Variants in WDFY4 observed in about 807,000 individuals in gnomAD.
WDFY4 encodes WD repeat- and FYVE domain-containing protein 4.
In WDFY4, 169 loss-of-function variants were observed where a neutral mutation model predicts 351.9. The ratio of observed to expected loss-of-function variants is 0.48; its 90% CI spans 0.42 to 0.55. WDFY4 has a LOEUF of 0.55. Ranked by LOEUF, WDFY4 falls within the 20% of genes least tolerant of loss-of-function variation. The pLI, the probability that WDFY4 is intolerant of heterozygous loss-of-function variation, is 0.00. For synonymous variants in WDFY4, 1,622 were observed against 1,574.6 expected (o/e 1.03, Z -0.71); for missense variants, 3,803 against 3,935.6 (o/e 0.97, Z 0.90).
At chr10:48,981,572 C>A in intron 61 of WDFY4, 94 bp downstream of exon 61, 1 of 1,181,472 alleles carries the variant, frequency 8.5e-7, no homozygotes, top group Non-Finnish European at 1.2e-6. Context: ...GCCACCTGGC[C>A]GAGGAGGCCA....
intron 47 of WDFY4, chr10:48,910,110 G>A (rs771441563): frequency 5.5e-5 from 48 of 872,004 alleles, no homozygotes; most frequent in Non-Finnish European, 7.8e-5. Context: ...GGCTTGGCCA[G>A]CTCCGGCGAG....
At chr10:48,901,668 C>A in intron 46 of WDFY4, 133 bp from the exon 47 acceptor site, 1 of 939,850 alleles carries the variant, frequency 1.1e-6, no homozygotes, top group Non-Finnish European at 1.7e-6. Flanking sequence ...CTGGTGTTCA[C>A]GACCTGGGGG....
At chr10:48,776,258 C>T (rs1482412065) in intron 15 of WDFY4, among the ~76,000 whole-genome samples, 1 of 152,166 alleles carries the variant, frequency 6.6e-6, no homozygotes, top group Non-Finnish European at 1.5e-5. Flanking sequence ...AAAAGAAACT[C>T]GTGGACATCT....
At chr10:48,777,133 C>G (rs1435260769) in intron 16 of WDFY4, 149 bp downstream of exon 16, 9 of 1,054,044 alleles carry the variant, frequency 8.5e-6, no homozygotes, top group Non-Finnish European at 9.5e-6. Context: ...CCCGCCTACT[C>G]AGCGGCCTCC....
At chr10:48,777,362 G>A in intron 16 of WDFY4, 57 bp from the exon 17 acceptor site, 1 of 1,465,124 alleles carries the variant, frequency 6.8e-7, no homozygotes, top group South Asian at 1.2e-5. Flanking sequence ...GACTAGCTGT[G>A]TCAGTGCAAG....
intron 42 of WDFY4, among the ~76,000 whole-genome samples, chr10:48,875,865 G>A (rs772133456): frequency 6.6e-6 from 1 of 152,198 alleles, no homozygotes; most frequent in Non-Finnish European, 1.5e-5. Context: ...TCTTATTGTG[G>A]CACAGAGGAT....
intron 1 of WDFY4, among the ~76,000 whole-genome samples, chr10:48,685,292 G>T (rs750508194): frequency 6.6e-6 from 1 of 152,188 alleles, no homozygotes; most frequent in Admixed American, 6.5e-5. Flanking sequence ...AGCACTCCTC[G>T]ACCTCTGACG....
At chr10:48,970,333 T>C in intron 57 of WDFY4, 44 bp downstream of exon 57, 2 of 1,537,574 alleles carry the variant, frequency 1.3e-6, no homozygotes, top group Non-Finnish European at 1.7e-6. Flanking sequence ...GTGGGGACAG[T>C]ACTTCATGTA....
intron 21 of WDFY4, among the ~76,000 whole-genome samples, chr10:48,789,246 G>A (rs1369477082): frequency 1.3e-5 from 2 of 152,210 alleles, no homozygotes; most frequent in Non-Finnish European, 1.5e-5. Flanking sequence ...AGATATGTTT[G>A]TAGATGGGGA....
intron 35 of WDFY4, 94 bp downstream of exon 35, chr10:48,822,631 C>T: frequency 7.4e-7 from 1 of 1,343,420 alleles, no homozygotes; most frequent in African/African-American, 1.5e-5. Context: ...GCCCTCCCTC[C>T]CTGGAGTAGA....
rs1026892390 is a variant in WDFY4 at position 48,978,494 on chromosome 10, T to A, written c.9376+101T>A. Reference sequence around the variant, plus strand: ...CAAGGGCTGCAGCTCCTCCCAGGTCTGCCCAGCCTAGGGAGGCCTAGGAAG... The same window carrying A: ...CAAGGGCTGCAGCTCCTCCCAGGTCAGCCCAGCCTAGGGAGGCCTAGGAAG... On this transcript the variant is annotated intron_variant, in intron 60 of 61. Coordinates refer to ENST00000325239, the MANE Select transcript of WDFY4 (RefSeq NM_001394531.1). 3.4e-6 allele frequency: 4 copies of A among 1,191,372 alleles called. No homozygotes were observed. The Admixed American group carries it at 1.1e-4, about 34-fold the overall frequency. The allele number at this position is 1,191,372 out of a possible 1,614,324, so 73.8% of individuals were successfully genotyped here. A position where few individuals can be genotyped will look rare whatever the true frequency, so the allele number is the denominator to read the frequency against.
Position 48,914,287 on chromosome 10 carries a change from C to T in WDFY4, c.7586+12424C>T, listed in dbSNP as rs556679486. The T allele has an allele frequency of 1.7e-4, 163 of 948,446 alleles. 1 individual carries two copies. In the Middle Eastern group the frequency reaches 2.7e-3, roughly 16 times the overall value. 58.8% of individuals were successfully genotyped at this position (948,446 alleles called of 1,614,324 possible). A position where few individuals can be genotyped will look rare whatever the true frequency, so the allele number is the denominator to read the frequency against. ...GGAGATGCCAGAGGGCACTGGGCTC[C>T]CCCACGTCATGACGCTTTGCTCTTC... On this transcript the variant is annotated intron_variant, in intron 47 of 61. Coordinates refer to ENST00000325239, the MANE Select transcript of WDFY4 (RefSeq NM_001394531.1).
intron 13 of WDFY4, among the ~76,000 whole-genome samples, chr10:48,769,148 G>C (rs946386818): frequency 6.6e-6 from 1 of 152,188 alleles, no homozygotes; most frequent in Non-Finnish European, 1.5e-5. Context: ...CATGGTTACA[G>C]ATCTGCCTAG....
intron 47 of WDFY4, chr10:48,914,127 C>G (rs752545012): frequency 6.2e-7 from 1 of 1,613,906 alleles, no homozygotes; most frequent in South Asian, 1.1e-5. Context: ...GATCTTCTTG[C>G]CCTTGGGGCC....
At chr10:48,781,292 G>GTGTGTA (rs1199825655) in intron 19 of WDFY4, among the ~76,000 whole-genome samples, 1 of 150,948 alleles carries the variant, frequency 6.6e-6, no homozygotes, top group Non-Finnish European at 1.5e-5. Flanking sequence ...GTGTGTGTGT[G>GTGTGTA]TATATATATA....
At chr10:48,778,951 T>A in intron 18 of WDFY4, 119 bp downstream of exon 18, 1 of 1,140,396 alleles carries the variant, frequency 8.8e-7, no homozygotes, top group Non-Finnish European at 1.2e-6. Context: ...TCCTCATCCT[T>A]TGAAATTGCT....
At chr10:48,899,461 C>T (rs970580335) in intron 45 of WDFY4, among the ~76,000 whole-genome samples, 6 of 152,056 alleles carry the variant, frequency 3.9e-5, no homozygotes, top group African/African-American at 1.2e-4. Flanking sequence ...CAGTACCCAC[C>T]TCTGAGTCTG....
At chr10:48,872,591 T>C (rs1194696861) in intron 40 of WDFY4, among the ~76,000 whole-genome samples, 1 of 152,250 alleles carries the variant, frequency 6.6e-6, no homozygotes, top group African/African-American at 2.4e-5. Flanking sequence ...ACAAATTCCA[T>C]AAAATATTTG....
At chr10:48,964,919 A>G (rs1231627244) in intron 54 of WDFY4, among the ~76,000 whole-genome samples, 1 of 152,216 alleles carries the variant, frequency 6.6e-6, no homozygotes, top group African/African-American at 2.4e-5. Flanking sequence ...CTAAACTAAC[A>G]TCTTTCTCTC....
Sources: allele counts gnomAD v4.1 joint callset (sites outside exome capture counted in the v4.1 genomes callset), GRCh38; gene constraint gnomAD v4.1.1; transcripts MANE v1.5; gene names NCBI Gene and HGNC (gene_info 2026-07-23, HGNC 2026-07-21).